ANKRD30B: variants seen among roughly 807,000 people sequenced by gnomAD.
ANKRD30B encodes the protein ankyrin repeat domain-containing protein 30B.
A neutral mutation model predicts 202.2 loss-of-function variants in ANKRD30B; 144 were observed. The observed-to-expected ratio is 0.71, with a 90% CI of 0.62 to 0.82. The LOEUF (loss-of-function observed/expected upper bound fraction) is 0.82, where lower values mean the gene tolerates loss of function less well. Among genes scored for constraint, ANKRD30B ranks in the 40% least tolerant of loss-of-function variants. The pLI is 0.00. For synonymous variants in ANKRD30B, 508 were observed against 561.3 expected, an observed-to-expected ratio of 0.91 and a Z score of 1.34; for missense variants, 1,487 against 1,669.1, an observed-to-expected ratio of 0.89 and a Z score of 1.90.
chr18:14,864,070 C>T, the ANKRD30B span, among the ~76,000 whole-genome samples: 2,242 of 152,288 alleles, frequency 0.015, 61 homozygotes, highest in African/African-American at 0.052. Flanking sequence ...TTGCCAGGTG[C>T]GGTGGCTCAA....
At chr18:14,779,693 A>G (rs1967597966) in intron 10 of ANKRD30B, among the ~76,000 whole-genome samples, 1 of 152,222 alleles carries the variant, frequency 6.6e-6, no homozygotes, top group African/African-American at 2.4e-5. Context: ...GGAGAAGAGG[A>G]TATTATTTCT....
chr18:14,894,728 G>C, the ANKRD30B span, among the ~76,000 whole-genome samples: 1 of 150,568 alleles, frequency 6.6e-6, no homozygotes, highest in East Asian at 1.9e-4. Flanking sequence ...TTGTTGAGTG[G>C]GAAATCTTAA....
the ANKRD30B span, among the ~76,000 whole-genome samples, chr18:14,869,100 C>A: frequency 2.0e-5 from 3 of 152,176 alleles, no homozygotes; most frequent in African/African-American, 7.2e-5. Flanking sequence ...CTGAACAATT[C>A]TATTCTAAAT....
At chr18:14,910,789 A>G in the ANKRD30B span, among the ~76,000 whole-genome samples, 2 of 151,998 alleles carry the variant, frequency 1.3e-5, no homozygotes, top group Non-Finnish European at 2.9e-5. Context: ...GCCAACATCT[A>G]TTGTTTTTAG....
the ANKRD30B span, among the ~76,000 whole-genome samples, chr18:14,901,603 AT>A: frequency 6.6e-6 from 1 of 151,784 alleles, no homozygotes; most frequent in Admixed American, 6.6e-5. Context: ...GCTTACAGCA[AT>A]TGGGTAAAAT....
At chr18:14,896,018 G>A in the ANKRD30B span, among the ~76,000 whole-genome samples, 1 of 152,170 alleles carries the variant, frequency 6.6e-6, no homozygotes, top group Non-Finnish European at 1.5e-5. Context: ...TAAACTGATG[G>A]TATAAATAAA....
At chr18:14,939,684 G>C in the ANKRD30B span, among the ~76,000 whole-genome samples, 1 of 152,204 alleles carries the variant, frequency 6.6e-6, no homozygotes, top group Non-Finnish European at 1.5e-5. Flanking sequence ...CAGTTTCCAG[G>C]ACTTAGATTC....
chr18:14,888,560 A>T, the ANKRD30B span: 1 of 342,886 alleles, frequency 2.9e-6, no homozygotes, highest in Non-Finnish European at 5.3e-6. Context: ...ACATAAATGC[A>T]CAAGTCCAGC....
At chr18:14,854,058 A>G (rs1369240545) in intron 43 of ANKRD30B, among the ~76,000 whole-genome samples, 115 bp downstream of exon 43, 1 of 152,204 alleles carries the variant, frequency 6.6e-6, no homozygotes, top group African/African-American at 2.4e-5. Flanking sequence ...TTGTTTTATG[A>G]TACTAATATC....
rs1188870989 is a variant in ANKRD30B at position 14,842,917 on chromosome 18, C to G, written c.3100C>G (p.His1034Asp). 11 of 1,547,978 alleles carry G rather than the reference C, an allele frequency of 7.1e-6. No individual in the cohort carries two copies. The highest frequency in any genetic ancestry group is 3.6e-5 in the South Asian group (3 of 83,592). Residue 1034 changes from histidine (H) to aspartate (D), a missense_variant, in exon 38 of 44, where the codon CAC becomes GAC. Physicochemically the swap from His to Asp is moderately conservative, Grantham distance 81 (BLOSUM62 -1). Around this residue, in one of 6 missense-constraint regions of ANKRD30B, gnomAD observed 218 missense variants for 320.1 expected, o/e 0.68. Coordinates refer to ENST00000690538, the MANE Select transcript of ANKRD30B (RefSeq NM_001367607.2). ...KIEESPEKPS[H>D]FEPATEMQNS... is the part of the protein sequence containing the mutation. ...TTTAGAGTCTCCTGAAAAGCCTTCT[C>G]ACTTTGAGGTATTGAGTTTTATAAT...
intron 33 of ANKRD30B, among the ~76,000 whole-genome samples, chr18:14,830,582 A>G (rs1204811745): frequency 2.0e-5 from 3 of 152,172 alleles, no homozygotes; most frequent in Non-Finnish European, 4.4e-5. Context: ...AAAACAAAGA[A>G]TGTCATTTTC....
chr18:14,871,269 G>A, the ANKRD30B span, among the ~76,000 whole-genome samples: 1 of 101,000 alleles, frequency 9.9e-6, no homozygotes, highest in Non-Finnish European at 1.8e-5. Context: ...CCCTACATTC[G>A]CTTGCTCCAC....
chr18:14,822,561 A>C (rs1970475762), intron 31 of ANKRD30B, 44 bp from the exon 32 acceptor site: 8 of 1,008,924 alleles, frequency 7.9e-6, no homozygotes, highest in Non-Finnish European at 1.2e-5. Context: ...TATTTTATGA[A>C]GTATACATTA....
rs570092713 is a variant in ANKRD30B at position 14,839,125 on chromosome 18, G to T, written c.2988+1449G>T. Among the ~76,000 whole-genome samples, 9 of 152,316 alleles carry T rather than the reference G, an allele frequency of 5.9e-5. No individual in the cohort carries two copies. The South Asian group carries it at 1.4e-3, about 25-fold the overall frequency. ...TTTTTGAGTACCAACTGTGTGCTAG[G>T]CAGTGAGTCTCTGAATATCCAAGAT... On this transcript the variant is annotated intron_variant, in intron 36 of 43. Transcript: ENST00000690538.
intron 42 of ANKRD30B, among the ~76,000 whole-genome samples, chr18:14,852,901 C>T (rs1333733343): frequency 1.3e-5 from 2 of 152,078 alleles, no homozygotes; most frequent in African/African-American, 2.4e-5. Context: ...TGTAATAACA[C>T]TTTTTAAGTA....
chr18:14,921,645 C>A, the ANKRD30B span, among the ~76,000 whole-genome samples: 1 of 152,166 alleles, frequency 6.6e-6, no homozygotes, highest in African/African-American at 2.4e-5. Flanking sequence ...AAGACAGCTC[C>A]TGTGTAAAGG....
chr18:14,821,040 A>T (rs969287887), intron 30 of ANKRD30B, among the ~76,000 whole-genome samples: 1 of 152,086 alleles, frequency 6.6e-6, no homozygotes, highest in Non-Finnish European at 1.5e-5. Context: ...ACAATTTCAG[A>T]TCCTGTTATT....
chr18:14,939,632 T>C, the ANKRD30B span, among the ~76,000 whole-genome samples: 1 of 152,204 alleles, frequency 6.6e-6, no homozygotes. Context: ...CCACGGGACA[T>C]GTAGAACAGA....
chr18:14,828,532 T>A (rs1395722430), intron 33 of ANKRD30B, among the ~76,000 whole-genome samples: 1 of 152,196 alleles, frequency 6.6e-6, no homozygotes, highest in Non-Finnish European at 1.5e-5. Flanking sequence ...TTAATTGGCC[T>A]ATGATGTCAT....
Sources: allele counts gnomAD v4.1 joint callset (sites outside exome capture counted in the v4.1 genomes callset), GRCh38; gene constraint gnomAD v4.1.1; regional missense constraint gnomAD v4.1.1; transcripts MANE v1.5; gene names NCBI Gene and HGNC (gene_info 2026-07-23, HGNC 2026-07-21).